The following SUMF1 variants were observed in gnomAD, a reference collection of about 807,000 sequenced individuals.
The protein encoded by SUMF1 is formylglycine-generating enzyme.
SUMF1 carries 48 observed loss-of-function variants against 47.6 expected under a neutral mutation model. The observed-to-expected ratio is 1.01, with a 90% CI of 0.80 to 1.28. The LOEUF is 1.28. Among genes scored for constraint, SUMF1 ranks in the 50% most tolerant of loss-of-function variants. The pLI is 0.00. For synonymous variants in SUMF1, 230 were observed against 192.1 expected (o/e 1.20, Z -1.63); for missense variants, 571 against 485.4 (o/e 1.18, Z -1.66).
chr3:4,293,592 G>A (rs112958754), intron 8 of SUMF1, among the ~76,000 whole-genome samples: 10 of 152,132 alleles, frequency 6.6e-5, no homozygotes, highest in Non-Finnish European at 1.0e-4. Context: ...CCCTCACTCA[G>A]GTAACTCACA....
At chr3:4,250,236 G>C (rs904403892) in intron 8 of SUMF1, among the ~76,000 whole-genome samples, 14 of 148,710 alleles carry the variant, frequency 9.4e-5, no homozygotes, top group Non-Finnish European at 1.8e-4. Flanking sequence ...GAAAGGGAGA[G>C]GGTGAGGGAG....
At position 4,097,467 on chromosome 3, in the gene SUMF1, C is replaced by T. The variant is rs183143486; in HGVS notation, c.1015-28722G>A. Among the ~76,000 whole-genome samples, 86 of 152,090 alleles carry T rather than the reference C, an allele frequency of 5.7e-4. 1 individual carries two copies. The East Asian group carries it at 0.015, about 27-fold the overall frequency. ...ACTTGGGAGGCTGAGGCAGGAGAAT[C>T]GCTTGAACCTGGGAGGCGGAGGTTG... On this transcript the variant is annotated intron_variant and NMD_transcript_variant, in intron 8 of 12. Transcript: ENST00000448413.
chr3:4,174,207 T>C (rs555793733), intron 8 of SUMF1, among the ~76,000 whole-genome samples: 2 of 151,312 alleles, frequency 1.3e-5, no homozygotes, highest in Non-Finnish European at 2.9e-5. Flanking sequence ...ATACAAAAAA[T>C]TAGCCAGGCA....
chr3:4,110,802 T>C (rs1196531717), intron 8 of SUMF1, among the ~76,000 whole-genome samples: 1 of 130,510 alleles, frequency 7.7e-6, no homozygotes, highest in East Asian at 2.3e-4. Context: ...ATGAGAACAC[T>C]TGGACACAGG....
intron 8 of SUMF1, among the ~76,000 whole-genome samples, chr3:4,232,538 T>C (rs1696323193): frequency 6.6e-6 from 1 of 151,920 alleles, no homozygotes; most frequent in South Asian, 2.1e-4. Flanking sequence ...CAGTGGAGAA[T>C]GGTCCCTCAA....
intron 8 of SUMF1, among the ~76,000 whole-genome samples, chr3:4,158,995 A>AAGT (rs1394773422): frequency 2.0e-5 from 3 of 151,688 alleles, no homozygotes; most frequent in Admixed American, 6.5e-5. Flanking sequence ...TATTATTGAT[A>AAGT]AGTATTGTAC....
chr3:4,392,596 TG>T (rs1700903590), intron 7 of SUMF1, among the ~76,000 whole-genome samples: 2 of 108,330 alleles, frequency 1.8e-5, no homozygotes. Flanking sequence ...GATATATATG[TG>T]TGTGTGTGTG....
At chr3:4,338,092 T>G (rs1699192044) in intron 8 of SUMF1, among the ~76,000 whole-genome samples, 1 of 152,176 alleles carries the variant, frequency 6.6e-6, no homozygotes, top group Non-Finnish European at 1.5e-5. Flanking sequence ...AATTATTGAC[T>G]ATTTTGAGTA....
chr3:4,362,149 C>A lies in SUMF1; in HGVS notation c.1120G>T (p.Asp374Tyr). 1 of 1,614,088 alleles carries A rather than the reference C, an allele frequency of 6.2e-7. No homozygotes were observed. Among genetic ancestry groups the A allele is most frequent in the Non-Finnish European group, 8.5e-7 (1 of 1,179,994 alleles). ...RCAADRLPTM[D>Y] ...GGGAAGACTTTCCTTGGTTGTCAGTCCATAGTGGGCAGGCGGTCGGCTGCA... is the reference window on the plus strand; with the variant it reads ...GGGAAGACTTTCCTTGGTTGTCAGTACATAGTGGGCAGGCGGTCGGCTGCA... Residue 374 changes from aspartate (D) to tyrosine (Y), a missense_variant, in exon 9 of 9, where the codon GAC becomes TAC. Transcript: ENST00000272902.
intron 8 of SUMF1, among the ~76,000 whole-genome samples, chr3:4,141,625 T>A (rs578086259): frequency 6.6e-6 from 1 of 152,232 alleles, no homozygotes; most frequent in South Asian, 2.1e-4. Context: ...ATCATGCCAC[T>A]GCACTCTACC....
Position 4,361,878 on chromosome 3 carries a change from G to A in SUMF1, c.*266C>T. The A allele has an allele frequency of 2.2e-6, 1 of 448,462 alleles. No individual in the cohort carries two copies. Among genetic ancestry groups the A allele is most frequent in the Non-Finnish European group, 4.1e-6 (1 of 241,314 alleles). 27.8% of individuals were successfully genotyped at this position (448,462 alleles called of 1,614,324 possible). Reference sequence around the variant, plus strand: ...CGCGGGCCTCCTGAAGCCTAGCTCAGGGTTCCCTCCACTCCCCTTCCTCTT... The same window carrying A: ...CGCGGGCCTCCTGAAGCCTAGCTCAAGGTTCCCTCCACTCCCCTTCCTCTT... On this transcript the variant is annotated 3_prime_UTR_variant, in exon 9 of 9. Coordinates refer to ENST00000272902, the MANE Select transcript of SUMF1 (RefSeq NM_182760.4).
intron 8 of SUMF1, among the ~76,000 whole-genome samples, chr3:4,104,468 G>A (rs1470620921): frequency 6.6e-6 from 1 of 152,028 alleles, no homozygotes; most frequent in Non-Finnish European, 1.5e-5. Flanking sequence ...CCCAACAGGT[G>A]ATCTGTGGAG....
intron 8 of SUMF1, among the ~76,000 whole-genome samples, chr3:4,268,736 G>A (rs886951517): frequency 6.6e-6 from 1 of 151,696 alleles, no homozygotes; most frequent in African/African-American, 2.4e-5. Context: ...GACTGAACTT[G>A]AACCCGTATC....
chr3:4,451,867 T>G (rs1247858285), intron 2 of SUMF1, among the ~76,000 whole-genome samples: 1 of 152,042 alleles, frequency 6.6e-6, no homozygotes, highest in East Asian at 1.9e-4. Flanking sequence ...GTACTTTTAG[T>G]AGAGACGGGG....
At chr3:4,450,619 T>C (rs1559308109) in intron 2 of SUMF1, among the ~76,000 whole-genome samples, 1 of 152,180 alleles carries the variant, frequency 6.6e-6, no homozygotes, top group Non-Finnish European at 1.5e-5. Flanking sequence ...CTATCCTTAT[T>C]GTGCTTAAGT....
At chr3:4,243,006 G>A (rs959547807) in intron 8 of SUMF1, among the ~76,000 whole-genome samples, 3 of 151,704 alleles carry the variant, frequency 2.0e-5, no homozygotes, top group Non-Finnish European at 4.4e-5. Flanking sequence ...GTCTTGGGAG[G>A]GTGTATGTAT....
At chr3:4,427,502 A>G (rs1006857237) in intron 3 of SUMF1, among the ~76,000 whole-genome samples, 39 of 152,224 alleles carry the variant, frequency 2.6e-4, no homozygotes, top group Admixed American at 2.6e-3. Flanking sequence ...AGGCTTGAAT[A>G]AAGGCTAAAA....
rs2079972100 is a variant in SUMF1, at chr3:4,467,070, C to CCA, written c.174_175dup (p.Gly59ValfsTer51). The CCA allele has an allele frequency of 6.4e-7, 1 of 1,565,454 alleles. No homozygotes were observed. Among genetic ancestry groups the CCA allele is most frequent in the African/African-American group, 1.4e-5 (1 of 73,696 alleles). ...AGCGGCTGCCGAACTGCCATGGGCG[C>CCA]CAGGCCGCTGGGGCGTGCCGCAGCC... is the stretch of plus-strand genomic sequence containing the variant. On this transcript the variant is annotated frameshift_variant, in exon 1 of 9. Transcript: ENST00000272902. LOFTEE classifies it high-confidence loss of function.
At chr3:4,038,961 G>T (rs1253366377) in intron 9 of SUMF1, among the ~76,000 whole-genome samples, 2 of 152,126 alleles carry the variant, frequency 1.3e-5, no homozygotes, top group Non-Finnish European at 2.9e-5. Flanking sequence ...TCACAATTAA[G>T]ACAGCAACTT....
Sources: allele counts gnomAD v4.1 joint callset (sites outside exome capture counted in the v4.1 genomes callset), GRCh38; gene constraint gnomAD v4.1.1; transcripts MANE v1.5; gene names NCBI Gene and HGNC (gene_info 2026-07-23, HGNC 2026-07-21).